Variants in FGD4 observed in about 807,000 individuals in gnomAD.
FGD4 encodes FYVE, RhoGEF and PH domain containing 4.
In FGD4, 42 loss-of-function variants were observed where a neutral mutation model predicts 102.0. The ratio of observed to expected loss-of-function variants is 0.41; its 90% CI spans 0.32 to 0.53. The LOEUF (loss-of-function observed/expected upper bound fraction) is 0.53. Among genes scored for constraint, FGD4 ranks in the 20% least tolerant of loss-of-function variants. The probability of loss-of-function intolerance (pLI) is 0.21; values close to 1 mark genes in which losing one functional copy is unlikely to be tolerated. For synonymous variants in FGD4, 380 were observed against 375.7 expected (o/e 1.01, Z -0.13); for missense variants, 902 against 1,078.2 (o/e 0.84, Z 2.29).
intron 1 of FGD4, among the ~76,000 whole-genome samples, chr12:32,447,070 C>A (rs960008395): frequency 3.9e-5 from 6 of 152,028 alleles, no homozygotes; most frequent in Non-Finnish European, 8.8e-5. Flanking sequence ...CACACAAAAC[C>A]CCCCAAAATA....
In FGD4 at chr12:32,641,620, C is replaced by A. The variant is rs1951159733; in HGVS notation, c.*1087C>A. The A allele has an allele frequency of 6.6e-6, 1 of 152,170 alleles. No individual in the cohort carries two copies. Among genetic ancestry groups the A allele is most frequent in the Non-Finnish European group, 1.5e-5 (1 of 68,010 alleles). The allele number at this position is 152,170 out of a possible 1,614,324, so 9.4% of individuals were successfully genotyped here. On this transcript the variant is annotated 3_prime_UTR_variant, in exon 17 of 17. Coordinates refer to ENST00000534526, the MANE Select transcript of FGD4 (RefSeq NM_001370298.3). Reference sequence around the variant, plus strand: ...ACCAAAACCCAAACTTTATGAGACACCTGACCTTTTACAGAACTAGGATAT... The same window carrying A: ...ACCAAAACCCAAACTTTATGAGACAACTGACCTTTTACAGAACTAGGATAT...
rs199533500 is a variant in FGD4, at chr12:32,442,227, G to A, written c.166+42268G>A. ...TGCCACCACACCTGGCTAATTTTTT[G>A]TATTTTTAGTAGAGACGGGGTTTCA... On this transcript the variant is annotated intron_variant, in intron 1 of 16. Transcript: ENST00000534526. 2.6e-5 allele frequency among the ~76,000 whole-genome samples: 4 copies of A among 151,926 alleles called. No individual in the cohort carries two copies. In the East Asian group the frequency reaches 7.8e-4, roughly 30 times the overall value.
At position 32,633,571 on chromosome 12, in the gene FGD4, A is replaced by G. The variant is rs1950615649; in HGVS notation, c.2195A>G (p.Asp732Gly). Residue 732 changes from aspartate to glycine, a missense_variant, in exon 15 of 17, where the codon GAC becomes GGC. This residue lies in a region of FGD4 where 459 missense variants were observed against 619.0 expected (regional missense o/e 0.74). Coordinates refer to ENST00000534526, the MANE Select transcript of FGD4 (RefSeq NM_001370298.3). ...AAGGTGGTTTGTTGGAAATGCTCCG[A>G]CTACAAAGCTCAACTTGAATATGAT... ...CGYVVCWKCS[D>G]YKAQLEYDGG... The G allele has an allele frequency of 6.2e-7, 1 of 1,613,876 alleles. No individual in the cohort carries two copies. The highest frequency in any genetic ancestry group is 8.5e-7 in the Non-Finnish European group (1 of 1,179,874).
chr12:32,412,284 T>C (rs1941240076), intron 1 of FGD4, among the ~76,000 whole-genome samples: 1 of 152,200 alleles, frequency 6.6e-6, no homozygotes, highest in Admixed American at 6.5e-5. Flanking sequence ...TGGTCATCTT[T>C]TCTGCAGTAG....
chr12:32,639,743 A>C (rs1424581616), intron 16 of FGD4, among the ~76,000 whole-genome samples: 1 of 152,200 alleles, frequency 6.6e-6, no homozygotes, highest in Non-Finnish European at 1.5e-5. Context: ...AAATATAAAA[A>C]TTTTACATAT....
intron 1 of FGD4, among the ~76,000 whole-genome samples, chr12:32,504,726 C>G (rs576601646): frequency 1.6e-4 from 25 of 152,286 alleles, no homozygotes; most frequent in South Asian, 1.0e-3. Context: ...ATGTAGATGA[C>G]AATATGAAAC....
chr12:32,605,084 A>G (rs1909513), intron 7 of FGD4, among the ~76,000 whole-genome samples: 63,311 of 151,446 alleles, frequency 0.42, 14,887 homozygotes, highest in African/African-American at 0.64. Context: ...GATTACAGGT[A>G]CATGCCACTA....
At chr12:32,502,661 G>A (rs1938322578) in intron 1 of FGD4, among the ~76,000 whole-genome samples, 1 of 152,128 alleles carries the variant, frequency 6.6e-6, no homozygotes, top group Non-Finnish European at 1.5e-5. Context: ...ATACGCCCAT[G>A]GCCCCAAACG....
At chr12:32,516,108 T>TG (rs949267858) in intron 1 of FGD4, among the ~76,000 whole-genome samples, 14 of 150,998 alleles carry the variant, frequency 9.3e-5, no homozygotes, top group Non-Finnish European at 1.6e-4. Flanking sequence ...CAACAACAAT[T>TG]GGGGGGTGGG....
In FGD4 at chr12:32,618,907, A is replaced by C. The variant is rs183872470; in HGVS notation, c.1750-791A>C. On this transcript the variant is annotated intron_variant, in intron 10 of 16. Transcript: ENST00000534526. ...CTTGAACCCAGAAGTTAAAGACTGC[A>C]GTGAGTCCTGTAGCCTGGGTGATAG... Among the ~76,000 whole-genome samples the C allele has an allele frequency of 3.4e-3, 524 of 152,354 alleles. 6 individuals are homozygous for C. The highest frequency in any genetic ancestry group is 5.3e-3 in the Non-Finnish European group (359 of 68,028).
intron 1 of FGD4, among the ~76,000 whole-genome samples, chr12:32,411,805 T>C (rs1175275634): frequency 6.6e-6 from 1 of 152,132 alleles, no homozygotes; most frequent in Non-Finnish European, 1.5e-5. Flanking sequence ...TGAAATCCTG[T>C]CTTTACTAAA....
At chr12:32,495,061 C>A (rs1592011605) in intron 1 of FGD4, among the ~76,000 whole-genome samples, 1 of 151,856 alleles carries the variant, frequency 6.6e-6, no homozygotes, top group East Asian at 1.9e-4. Flanking sequence ...TAACAGTTGC[C>A]CCCACCCCCA....
At chr12:32,429,499 G>A (rs552150042) in intron 1 of FGD4, among the ~76,000 whole-genome samples, 2 of 152,320 alleles carry the variant, frequency 1.3e-5, no homozygotes, top group African/African-American at 2.4e-5. Flanking sequence ...CAGGAGGCAC[G>A]GGGGTAAGGG....
intron 14 of FGD4, among the ~76,000 whole-genome samples, chr12:32,633,239 AAG>A (rs1246454348): frequency 6.6e-6 from 1 of 152,190 alleles, no homozygotes; most frequent in East Asian, 1.9e-4. Flanking sequence ...GGGATGGGCT[AAG>A]AGAGACCAGG....
At chr12:32,639,428 T>C (rs564150434) in intron 16 of FGD4, among the ~76,000 whole-genome samples, 1 of 152,346 alleles carries the variant, frequency 6.6e-6, no homozygotes, top group South Asian at 2.1e-4. Flanking sequence ...CCTCCCAAAG[T>C]GCTGGTAATA....
chr12:32,607,878 A>G, intron 7 of FGD4, 79 bp from the exon 8 acceptor site: 10 of 1,548,620 alleles, frequency 6.5e-6, no homozygotes, highest in Middle Eastern at 1.7e-4. Context: ...GCCCTTGACG[A>G]AAGTTCTGTT....
chr12:32,536,508 T>A (rs1057106633), intron 1 of FGD4, among the ~76,000 whole-genome samples: 1 of 152,242 alleles, frequency 6.6e-6, no homozygotes, highest in African/African-American at 2.4e-5. Context: ...CTTTATAAAA[T>A]AACAAGCTAA....
At chr12:32,483,535 A>G (rs962870958) in intron 1 of FGD4, among the ~76,000 whole-genome samples, 14 of 152,224 alleles carry the variant, frequency 9.2e-5, no homozygotes, top group African/African-American at 3.4e-4. Context: ...CATTGAAAAA[A>G]GAGGTCAAGA....
At chr12:32,637,243 A>G (rs912063238) in intron 15 of FGD4, among the ~76,000 whole-genome samples, 5 of 151,758 alleles carry the variant, frequency 3.3e-5, no homozygotes, top group Non-Finnish European at 7.4e-5. Context: ...AAATGGCTCT[A>G]TGTATTAGTC....
Sources: allele counts gnomAD v4.1 joint callset (sites outside exome capture counted in the v4.1 genomes callset), GRCh38; gene constraint gnomAD v4.1.1; regional missense constraint gnomAD v4.1.1; transcripts MANE v1.5; gene names NCBI Gene and HGNC (gene_info 2026-07-23, HGNC 2026-07-21).